PYGL: variants seen among roughly 807,000 people sequenced by gnomAD.
PYGL encodes glycogen phosphorylase, liver form.
Under a neutral mutation model 100.1 loss-of-function variants are expected in PYGL, and 90 were observed. That is an observed-to-expected ratio of 0.90 (90% CI 0.76 to 1.07). The LOEUF (loss-of-function observed/expected upper bound fraction) is 1.07, where lower values mean the gene tolerates loss of function less well. Ranked by LOEUF, PYGL falls within the 50% of genes least tolerant of loss-of-function variation. The pLI is 0.00. For missense variants in PYGL, 1,016 were observed against 1,057.6 expected, an observed-to-expected ratio of 0.96 and a Z score of 0.55; for synonymous variants, 373 against 393.0, an observed-to-expected ratio of 0.95 and a Z score of 0.60.
At chr14:50,914,362 T>C (rs1008888102) in intron 12 of PYGL, among the ~76,000 whole-genome samples, 1 of 152,098 alleles carries the variant, frequency 6.6e-6, no homozygotes, top group African/African-American at 2.4e-5. Context: ...CTGGGCATTG[T>C]GATGTGTGCC....
rs775851793 is a variant in PYGL, at chr14:50,944,215, G to T, written c.189C>A (p.His63Gln). The change falls in exon 1 of 20, where the codon CAC (histidine) becomes CAA (glutamine). Residue 63 changes from histidine to glutamine, a missense_variant. Coordinates refer to ENST00000216392, the MANE Select transcript of PYGL (RefSeq NM_002863.5). ...YFALAHTVRDHLVGRWIRTQQ... is the reference protein window; with the variant it reads ...YFALAHTVRDQLVGRWIRTQQ... ...GCGTGCGGATCCAGCGCCCCACCAG[G>T]TGGTCGCGCACCGTGTGCGCCAGCG... 8 of 1,612,478 alleles carry T rather than the reference G, an allele frequency of 5.0e-6. No individual in the cohort carries two copies. Among genetic ancestry groups the T allele is most frequent in the Non-Finnish European group, 6.8e-6 (8 of 1,179,842 alleles).
intron 5 of PYGL, chr14:50,923,714 T>G: frequency 5.0e-6 from 1 of 201,050 alleles, no homozygotes. Flanking sequence ...AAAAAAGAAC[T>G]GACAATTTTC....
At position 50,915,845 on chromosome 14, in the gene PYGL, T is replaced by C; in HGVS notation, c.1219A>G (p.Ile407Val). ...LPRHLEIIYE[I>V]NQKHLDRIVA... ...CTTACATCTAAATGCTTCTGATTTA[T>C]CTCATAAATGATTTCCAAATGTCGA... Residue 407 changes from isoleucine (I) to valine (V), a missense_variant, in exon 10 of 20, where the codon ATA (isoleucine) becomes GTA (valine). Transcript: ENST00000216392. The C allele has an allele frequency of 1.9e-6, 3 of 1,614,168 alleles. No individual in the cohort carries two copies. The highest frequency in any genetic ancestry group is 2.5e-6 in the Non-Finnish European group (3 of 1,179,994).
chr14:50,931,449 C>T (rs1292490452), intron 4 of PYGL, among the ~76,000 whole-genome samples: 1 of 152,178 alleles, frequency 6.6e-6, no homozygotes, highest in African/African-American at 2.4e-5. Flanking sequence ...AGCCACTGCC[C>T]TCAGTGCAAT....
intron 1 of PYGL, among the ~76,000 whole-genome samples, chr14:50,940,960 C>CGG (rs1566516132): frequency 2.0e-5 from 3 of 152,094 alleles, no homozygotes; most frequent in African/African-American, 7.2e-5. Flanking sequence ...GCAAGTGAAT[C>CGG]GGGGGCCCAG....
At position 50,914,699 on chromosome 14, in the gene PYGL, AC is replaced by A. The variant is rs2142795190; in HGVS notation, c.1518+1del. 6.2e-7 allele frequency: 1 copy of A among 1,607,268 alleles called. No individual in the cohort carries two copies. The highest frequency in any genetic ancestry group is 8.5e-7 in the Non-Finnish European group (1 of 1,173,954). On this transcript the variant is annotated splice_donor_variant, in intron 12 of 19. Coordinates refer to ENST00000216392, the MANE Select transcript of PYGL (RefSeq NM_002863.5). LOFTEE classifies it high-confidence loss of function. ...CCTTTCCTCTCAGCACTTCCCAGTT[AC>A]CTCTGCTATGAGCTCTGCAAGTCCT...
chr14:50,935,212 G>C (rs780168979), intron 2 of PYGL, 27 bp from the exon 3 acceptor site: 23 of 1,574,542 alleles, frequency 1.5e-5, no homozygotes, highest in Non-Finnish European at 2.0e-5. Context: ...AACAATATTG[G>C]AAGCAGATAA....
intron 19 of PYGL, chr14:50,908,020 CAA>C (rs34040095): frequency 0.12 from 27,649 of 224,708 alleles, 415 homozygotes; most frequent in African/African-American, 0.17. Flanking sequence ...AGATCTGTCT[CAA>C]AAAAAAAAAA....
At chr14:50,915,083 G>C in intron 11 of PYGL, 1 of 622,808 alleles carries the variant, frequency 1.6e-6, no homozygotes, top group African/African-American at 1.8e-5. Context: ...CAGTAGAATA[G>C]TTTTTGGTAT....
At chr14:50,912,724 C>T (rs372085288) in intron 13 of PYGL, among the ~76,000 whole-genome samples, 15 of 152,162 alleles carry the variant, frequency 9.9e-5, no homozygotes, top group East Asian at 7.8e-4. Context: ...GAGGCCGAGG[C>T]GGGTGGATCA....
intron 19 of PYGL, among the ~76,000 whole-genome samples, chr14:50,907,809 G>A (rs185124276): frequency 2.0e-5 from 3 of 152,210 alleles, no homozygotes; most frequent in African/African-American, 7.2e-5. Context: ...ACTTTGGGAG[G>A]CAGAGGCGGG....
chr14:50,911,710 T>G lies in PYGL; in HGVS notation c.1969+20A>C. 1 of 1,613,926 alleles carries G rather than the reference T, an allele frequency of 6.2e-7. No individual in the cohort carries two copies. The highest frequency in any genetic ancestry group is 1.1e-5 in the South Asian group (1 of 91,064). Reference sequence around the variant, plus strand: ...TAGAGTTTGCCCTGGCCCCTGCATATTTTGCAATGAGGGTAGTACCTTTTT... The same window carrying G: ...TAGAGTTTGCCCTGGCCCCTGCATAGTTTGCAATGAGGGTAGTACCTTTTT... On this transcript the variant is annotated intron_variant, in intron 16 of 19. Transcript: ENST00000216392.
rs189856676 is a variant in PYGL, at chr14:50,910,207, C to A, written c.1970-105G>T. ...GGCTGTTTTGATAATTAAAGTAATA[C>A]ATGCACATTAAGATAAACATTCAAA... On this transcript the variant is annotated intron_variant, in intron 16 of 19. Transcript: ENST00000216392. 40 of 1,179,402 alleles carry A rather than the reference C, an allele frequency of 3.4e-5. No individual in the cohort carries two copies. In the Admixed American group the frequency reaches 4.2e-4, roughly 12 times the overall value. The allele number at this position is 1,179,402 out of a possible 1,614,324, so 73.1% of individuals were successfully genotyped here.
At chr14:50,910,562 CT>C (rs2050384847) in intron 16 of PYGL, among the ~76,000 whole-genome samples, 1 of 152,100 alleles carries the variant, frequency 6.6e-6, no homozygotes, top group African/African-American at 2.4e-5. Context: ...CTCAAGCAAT[CT>C]TCCTGCCCCA....
At chr14:50,932,351 T>C (rs1234940649) in intron 3 of PYGL, among the ~76,000 whole-genome samples, 1 of 152,202 alleles carries the variant, frequency 6.6e-6, no homozygotes, top group Non-Finnish European at 1.5e-5. Flanking sequence ...TCTTGCTGGA[T>C]TGGTCTAATC....
intron 8 of PYGL, 51 bp downstream of exon 8, chr14:50,916,911 C>T: frequency 6.3e-7 from 1 of 1,596,906 alleles, no homozygotes; most frequent in East Asian, 2.2e-5. Flanking sequence ...ATAGGAAATC[C>T]CAGTCAATCC....
chr14:50,909,088 G>A, intron 17 of PYGL, 133 bp from the exon 18 acceptor site: 1 of 1,006,550 alleles, frequency 9.9e-7, no homozygotes, highest in Non-Finnish European at 1.5e-6. Context: ...CTTCATTATA[G>A]ATTTCACCAT....
intron 3 of PYGL, among the ~76,000 whole-genome samples, chr14:50,932,267 T>A (rs1162595616): frequency 2.6e-5 from 4 of 152,232 alleles, no homozygotes; most frequent in East Asian, 1.9e-4. Context: ...TGTTTCTTCC[T>A]GGCTAATGGA....
intron 13 of PYGL, 109 bp from the exon 14 acceptor site, chr14:50,912,412 G>C (rs1566501479): frequency 1.5e-6 from 2 of 1,375,274 alleles, no homozygotes; most frequent in Non-Finnish European, 2.0e-6. Context: ...AGGCTGGAGT[G>C]CAGTGGCATG....
Sources: allele counts gnomAD v4.1 joint callset (sites outside exome capture counted in the v4.1 genomes callset), GRCh38; gene constraint gnomAD v4.1.1; transcripts MANE v1.5; gene names NCBI Gene and HGNC (gene_info 2026-07-23, HGNC 2026-07-21).